The following L3MBTL3 variants were observed in gnomAD, a reference collection of about 807,000 sequenced individuals.
L3MBTL3 encodes L3MBTL histone methyl-lysine binding protein 3.
A neutral mutation model predicts 102.3 loss-of-function variants in L3MBTL3; 27 were observed. That is an observed-to-expected ratio of 0.26 (90% confidence interval 0.19 to 0.36). The LOEUF (loss-of-function observed/expected upper bound fraction) is 0.36. L3MBTL3 is among the 10% of genes least tolerant of loss of function. L3MBTL3 has a pLI of 1.00. For synonymous variants in L3MBTL3, 340 were observed against 320.9 expected (o/e 1.06, Z -0.64); for missense variants, 798 against 955.3 (o/e 0.84, Z 2.17).
chr6:130,055,408 GA>G (rs980577573), intron 8 of L3MBTL3, among the ~76,000 whole-genome samples, 153 bp downstream of exon 8: 2 of 151,862 alleles, frequency 1.3e-5, no homozygotes, highest in African/African-American at 4.8e-5. Flanking sequence ...TGAGGATAAG[GA>G]AAAAAATGAA....
At chr6:130,075,832 C>T (rs1782915977) in intron 13 of L3MBTL3, among the ~76,000 whole-genome samples, 1 of 152,152 alleles carries the variant, frequency 6.6e-6, no homozygotes, top group Non-Finnish European at 1.5e-5. Flanking sequence ...TTTCTTTTCA[C>T]TCAGCCTGGA....
At chr6:130,075,620 G>C (rs1433443597) in intron 13 of L3MBTL3, among the ~76,000 whole-genome samples, 1 of 152,166 alleles carries the variant, frequency 6.6e-6, no homozygotes, top group Non-Finnish European at 1.5e-5. Flanking sequence ...GAGAAGTTTA[G>C]TGCTGAAGGC....
At chr6:130,101,729 C>G (rs1784702438) in intron 18 of L3MBTL3, among the ~76,000 whole-genome samples, 1 of 152,204 alleles carries the variant, frequency 6.6e-6, no homozygotes, top group Non-Finnish European at 1.5e-5. Context: ...CTACCCAACC[C>G]TGATTTTTCT....
intron 18 of L3MBTL3, among the ~76,000 whole-genome samples, chr6:130,099,114 A>G (rs937070176): frequency 2.6e-5 from 4 of 152,074 alleles, no homozygotes; most frequent in Non-Finnish European, 5.9e-5. Context: ...TCCCTAGAAA[A>G]AAACATTCTT....
At chr6:130,079,352 AG>A (rs546753147) in intron 14 of L3MBTL3, among the ~76,000 whole-genome samples, 17 of 152,142 alleles carry the variant, frequency 1.1e-4, no homozygotes, top group Non-Finnish European at 2.4e-4. Flanking sequence ...CTAGTCATAG[AG>A]CCTTCTCAGC....
At chr6:130,061,508 A>T (rs4339481) in intron 10 of L3MBTL3, among the ~76,000 whole-genome samples, 83,682 of 152,122 alleles carry the variant, frequency 0.55, 25,872 homozygotes, top group East Asian at 0.76. Flanking sequence ...TAATGTAATA[A>T]GTAGTGAAAG....
chr6:130,122,786 C>G (rs1282928235), intron 20 of L3MBTL3, among the ~76,000 whole-genome samples: 1 of 151,706 alleles, frequency 6.6e-6, no homozygotes, highest in African/African-American at 2.4e-5. Flanking sequence ...TCTACTACTT[C>G]CTAGCTGTGC....
At chr6:130,022,333 C>T (rs1358920611) in intron 2 of L3MBTL3, 28 bp downstream of exon 2, 1 of 152,182 alleles carries the variant, frequency 6.6e-6, no homozygotes, top group Non-Finnish European at 1.5e-5. Context: ...AAATAAATTG[C>T]TTGACATACC....
intron 8 of L3MBTL3, among the ~76,000 whole-genome samples, chr6:130,056,795 A>G (rs1208976021): frequency 6.6e-6 from 1 of 151,722 alleles, no homozygotes; most frequent in Non-Finnish European, 1.5e-5. Flanking sequence ...TTCTCTTTGT[A>G]TACTCTACCT....
intron 19 of L3MBTL3, among the ~76,000 whole-genome samples, chr6:130,120,072 A>C (rs1217768597): frequency 6.6e-6 from 1 of 152,222 alleles, no homozygotes; most frequent in Non-Finnish European, 1.5e-5. Context: ...GTAGCACATC[A>C]TAAACACAGA....
intron 19 of L3MBTL3, among the ~76,000 whole-genome samples, chr6:130,116,589 C>CA (rs1422058353): frequency 1.3e-5 from 2 of 151,912 alleles, no homozygotes; most frequent in African/African-American, 2.4e-5. Context: ...GCTGTTTCTA[C>CA]AAAAAAATTA....
chr6:130,042,909 G>A lies in L3MBTL3; in HGVS notation c.102+108G>A, dbSNP rs898318811. 2.3e-5 allele frequency: 17 copies of A among 729,860 alleles called. No individual in the cohort carries two copies. The African/African-American group carries it at 3.0e-4, about 13-fold the overall frequency. The allele number at this position is 729,860 out of a possible 1,614,324, so 45.2% of individuals were successfully genotyped here. Reference sequence around the variant, plus strand: ...AAAATTAAAAGCATTAATCATAGTGGTGTAGGTTTTAGATGATGCTTAGAC... The same window carrying A: ...AAAATTAAAAGCATTAATCATAGTGATGTAGGTTTTAGATGATGCTTAGAC... On this transcript the variant is annotated intron_variant, in intron 3 of 22. Coordinates refer to ENST00000361794, the MANE Select transcript of L3MBTL3 (RefSeq NM_032438.4).
At chr6:130,057,219 G>A (rs911346547) in intron 8 of L3MBTL3, among the ~76,000 whole-genome samples, 187 bp from the exon 9 acceptor site, 2 of 152,134 alleles carry the variant, frequency 1.3e-5, no homozygotes, top group Non-Finnish European at 2.9e-5. Context: ...CACTGTAGGT[G>A]CAAACCACAG....
At chr6:130,131,975 C>T (rs1263479406) in intron 20 of L3MBTL3, among the ~76,000 whole-genome samples, 1 of 152,150 alleles carries the variant, frequency 6.6e-6, no homozygotes, top group Non-Finnish European at 1.5e-5. Context: ...TTGTCTCAGA[C>T]CCAGTAGGTA....
At chr6:130,079,343 T>C (rs1440821962) in intron 14 of L3MBTL3, among the ~76,000 whole-genome samples, 1 of 152,224 alleles carries the variant, frequency 6.6e-6, no homozygotes, top group African/African-American at 2.4e-5. Context: ...TCTCTGCCTC[T>C]AGTCATAGAG....
chr6:130,054,062 C>T (rs1332118408), intron 7 of L3MBTL3, among the ~76,000 whole-genome samples: 6 of 152,172 alleles, frequency 3.9e-5, no homozygotes, highest in Admixed American at 3.9e-4. Flanking sequence ...AGGGAGCCCT[C>T]TCAAAGACGA....
At chr6:130,055,758 T>C (rs1230460137) in intron 8 of L3MBTL3, among the ~76,000 whole-genome samples, 1 of 150,978 alleles carries the variant, frequency 6.6e-6, no homozygotes, top group African/African-American at 2.4e-5. Context: ...CCTCTGCTTC[T>C]CTATAAAACC....
chr6:130,127,935 G>C (rs1207514495), intron 20 of L3MBTL3, among the ~76,000 whole-genome samples: 4 of 152,098 alleles, frequency 2.6e-5, no homozygotes, highest in Non-Finnish European at 5.9e-5. Flanking sequence ...TCAAAATTAT[G>C]TGTAATTTTA....
chr6:130,107,759 T>C (rs1032940345), intron 19 of L3MBTL3, among the ~76,000 whole-genome samples: 7 of 152,230 alleles, frequency 4.6e-5, no homozygotes, highest in Non-Finnish European at 8.8e-5. Context: ...CATAAACCAG[T>C]GAGAGACACT....
Sources: allele counts gnomAD v4.1 joint callset (sites outside exome capture counted in the v4.1 genomes callset), GRCh38; gene constraint gnomAD v4.1.1; transcripts MANE v1.5; gene names NCBI Gene and HGNC (gene_info 2026-07-23, HGNC 2026-07-21).